ACTR3C: variants seen among roughly 807,000 people sequenced by gnomAD.
The protein encoded by ACTR3C is actin related protein 3C.
Under a neutral mutation model 26.3 loss-of-function variants are expected in ACTR3C, and 18 were observed. That is an observed-to-expected ratio of 0.68 (90% CI 0.47 to 1.01). The LOEUF is 1.01. Ranked by LOEUF, ACTR3C falls within the 50% of genes least tolerant of loss-of-function variation. The pLI is 0.00. For missense variants in ACTR3C, 184 were observed against 250.7 expected (o/e 0.73, Z 1.80); for synonymous variants, 55 against 94.5 (o/e 0.58, Z 2.42).
the ACTR3C span, among the ~76,000 whole-genome samples, chr7:150,114,869 G>A: frequency 6.6e-6 from 1 of 151,940 alleles, no homozygotes; most frequent in African/African-American, 2.4e-5. Context: ...AGTCAGAGAG[G>A]GCTACAGAGG....
At chr7:149,890,539 G>C in the ACTR3C span, among the ~76,000 whole-genome samples, 6 of 150,500 alleles carry the variant, frequency 4.0e-5, no homozygotes, top group East Asian at 1.2e-3. Flanking sequence ...CAATCATCTT[G>C]CTATGTCTCA....
At chr7:150,091,650 G>T in the ACTR3C span, among the ~76,000 whole-genome samples, 2 of 111,502 alleles carry the variant, frequency 1.8e-5, no homozygotes, top group African/African-American at 3.4e-5. Context: ...ATTTTCTCTG[G>T]GGGGTGGCTA....
chr7:150,251,989 C>T (rs1318733614), intron 6 of ACTR3C, among the ~76,000 whole-genome samples: 2 of 152,172 alleles, frequency 1.3e-5, no homozygotes, highest in South Asian at 4.1e-4. Context: ...AGCGTTTGCT[C>T]TGTTCCCAGC....
the ACTR3C span, among the ~76,000 whole-genome samples, chr7:149,935,418 T>TTTTG: frequency 5.9e-5 from 7 of 119,242 alleles, no homozygotes; most frequent in African/African-American, 9.1e-5. Flanking sequence ...GTTTTGTTTT[T>TTTTG]GAGATGGAGT....
the ACTR3C span, among the ~76,000 whole-genome samples, chr7:149,988,248 C>T: frequency 2.0e-5 from 3 of 152,208 alleles, no homozygotes; most frequent in Non-Finnish European, 4.4e-5. Context: ...GTATTAGTTA[C>T]GCACTGAAAG....
At chr7:149,932,239 C>A in the ACTR3C span, among the ~76,000 whole-genome samples, 1,084 of 152,224 alleles carry the variant, frequency 7.1e-3, 13 homozygotes, top group African/African-American at 0.024. Flanking sequence ...TCACAAAAGT[C>A]CAAATGACTC....
the ACTR3C span, among the ~76,000 whole-genome samples, chr7:149,957,059 A>G: frequency 1.3e-5 from 2 of 152,250 alleles, no homozygotes; most frequent in Non-Finnish European, 2.9e-5. Context: ...GGAGGGAAGA[A>G]AGAAATGCAA....
the ACTR3C span, among the ~76,000 whole-genome samples, chr7:149,908,214 C>T: frequency 3.9e-5 from 6 of 152,182 alleles, 1 homozygote; most frequent in Middle Eastern, 3.2e-3. Flanking sequence ...ACCCTGACAG[C>T]ACCTTGATCT....
At chr7:150,148,969 T>C in the ACTR3C span, among the ~76,000 whole-genome samples, 3 of 132,038 alleles carry the variant, frequency 2.3e-5, no homozygotes, top group Non-Finnish European at 5.1e-5. Context: ...ACTGCCGCTG[T>C]CTCCAGCCCA....
At chr7:149,950,083 C>CA in the ACTR3C span, among the ~76,000 whole-genome samples, 1 of 149,666 alleles carries the variant, frequency 6.7e-6, no homozygotes, top group African/African-American at 2.5e-5. Flanking sequence ...CCCTCCACCC[C>CA]ACTCCCCACT....
At chr7:150,172,021 A>T in the ACTR3C span, among the ~76,000 whole-genome samples, 4 of 150,818 alleles carry the variant, frequency 2.7e-5, 1 homozygote, top group African/African-American at 7.5e-5. Context: ...CATGTTGGCC[A>T]GGATGGTCTC....
the ACTR3C span, among the ~76,000 whole-genome samples, chr7:150,009,268 G>A: frequency 2.0e-5 from 3 of 152,242 alleles, no homozygotes; most frequent in African/African-American, 7.2e-5. Context: ...AAGACTGGCT[G>A]AGAGGGTAGA....
the ACTR3C span, among the ~76,000 whole-genome samples, chr7:150,118,354 T>A: frequency 6.6e-6 from 1 of 151,942 alleles, no homozygotes; most frequent in Non-Finnish European, 1.5e-5. Context: ...TTATAGGAAC[T>A]GCTAACTAGA....
chr7:149,964,821 T>C, the ACTR3C span, among the ~76,000 whole-genome samples: 10 of 152,108 alleles, frequency 6.6e-5, no homozygotes, highest in Admixed American at 6.5e-4. Context: ...CTGGTTTCTG[T>C]CTCAATACAA....
chr7:150,263,634 C>T (rs1172335651), intron 6 of ACTR3C, among the ~76,000 whole-genome samples: 1 of 152,004 alleles, frequency 6.6e-6, no homozygotes, highest in African/African-American at 2.4e-5. Flanking sequence ...TCAGAAATCC[C>T]AGTGAATCCT....
chr7:149,945,990 A>T, the ACTR3C span, among the ~76,000 whole-genome samples: 1 of 152,134 alleles, frequency 6.6e-6, no homozygotes, highest in African/African-American at 2.4e-5. Context: ...GGCCTTTAAG[A>T]GGAGAATGGG....
chr7:150,239,507 GCTCT>G (rs1187583060), downstream of ACTR3C, among the ~76,000 whole-genome samples: 1,707 of 102,884 alleles, frequency 0.017, 88 homozygotes, highest in African/African-American at 0.035. Context: ...AAAGTTGCTC[GCTCT>G]CTCTCTCTCT....
At chr7:150,214,027 GA>G in the ACTR3C span, among the ~76,000 whole-genome samples, 2 of 148,392 alleles carry the variant, frequency 1.3e-5, no homozygotes, top group African/African-American at 5.0e-5. Flanking sequence ...TGCAGGTGCT[GA>G]ATGGGCTACA....
the ACTR3C span, among the ~76,000 whole-genome samples, chr7:150,038,248 G>C: frequency 6.9e-6 from 1 of 144,516 alleles, no homozygotes; most frequent in African/African-American, 2.6e-5. Flanking sequence ...AAATAGGGGG[G>C]CCATCCTTTA....
Sources: allele counts gnomAD v4.1 joint callset (sites outside exome capture counted in the v4.1 genomes callset), GRCh38; gene constraint gnomAD v4.1.1; transcripts MANE v1.5; gene names NCBI Gene and HGNC (gene_info 2026-07-23, HGNC 2026-07-21).